The following AHRR variants were observed in gnomAD, a reference collection of about 807,000 sequenced individuals.
The protein encoded by AHRR is ahR repressor.
A neutral mutation model predicts 44.0 loss-of-function variants in AHRR; 28 were observed. The ratio of observed to expected loss-of-function variants is 0.64; its 90% CI spans 0.47 to 0.87. AHRR has a LOEUF of 0.87. AHRR is among the 40% of genes least tolerant of loss of function. The pLI is 0.00. For missense variants in AHRR, 990 were observed against 953.9 expected, an observed-to-expected ratio of 1.04 and a Z score of -0.50; for synonymous variants, 434 against 407.0, an observed-to-expected ratio of 1.07 and a Z score of -0.80.
chr5:347,219 A>C (rs1045602856), intron 2 of AHRR, among the ~76,000 whole-genome samples: 1 of 152,124 alleles, frequency 6.6e-6, no homozygotes, highest in Non-Finnish European at 1.5e-5. Flanking sequence ...TCATTTTTCT[A>C]GTAGATTGTT....
At chr5:332,307 G>C (rs1257500443) in intron 1 of AHRR, among the ~76,000 whole-genome samples, 1 of 131,258 alleles carries the variant, frequency 7.6e-6, no homozygotes, top group African/African-American at 2.9e-5. Flanking sequence ...TCACTCTGTT[G>C]CCCAGGCTGG....
chr5:336,527 C>T (rs894236017), intron 1 of AHRR, among the ~76,000 whole-genome samples: 1 of 152,166 alleles, frequency 6.6e-6, no homozygotes, highest in Non-Finnish European at 1.5e-5. Flanking sequence ...AGTTCTTTGT[C>T]TATGCTGGAC....
intron 3 of AHRR, among the ~76,000 whole-genome samples, chr5:373,336 G>T (rs1031426592): frequency 2.0e-5 from 3 of 152,250 alleles, no homozygotes; most frequent in Non-Finnish European, 4.4e-5. Context: ...AGTGGTCCTG[G>T]CAGGGCCCCT....
At position 434,257 on chromosome 5, in the gene AHRR, C is replaced by A; in HGVS notation, c.1517C>A (p.Pro506His). The change falls in exon 11 of 11, where the codon CCC becomes CAC. Residue 506 changes from proline (P) to histidine (H), a missense_variant. Pro to His is a moderately conservative substitution (Grantham distance 77). Coordinates refer to ENST00000684583, the MANE Select transcript of AHRR (RefSeq NM_001377236.1). ...GAQRFATRGY[P>H]MEDMKLQGVP... Reference sequence around the variant, plus strand: ...CAGCGTTTTGCCACGAGGGGCTATCCCATGGAGGACATGAAGCTGCAAGGT... The same window carrying A: ...CAGCGTTTTGCCACGAGGGGCTATCACATGGAGGACATGAAGCTGCAAGGT... 6.2e-7 allele frequency: 1 copy of A among 1,601,314 alleles called. No individual in the cohort carries two copies. The highest frequency in any genetic ancestry group is 1.1e-5 in the South Asian group (1 of 88,576).
At chr5:362,304 C>G (rs1019871548) in intron 3 of AHRR, among the ~76,000 whole-genome samples, 1 of 152,218 alleles carries the variant, frequency 6.6e-6, no homozygotes, top group African/African-American at 2.4e-5. Context: ...TCCAGAACTG[C>G]AAGAAAATAA....
intron 4 of AHRR, among the ~76,000 whole-genome samples, chr5:393,657 A>C (rs1734572927): frequency 6.6e-6 from 1 of 150,766 alleles, no homozygotes; most frequent in Non-Finnish European, 1.5e-5. Flanking sequence ...TTTTTTTTTG[A>C]GACAGAGTCT....
In AHRR at chr5:423,923, C is replaced by T. The variant is rs917320431; in HGVS notation, c.654C>T (p.Thr218=). 1.9e-6 allele frequency: 3 copies of T among 1,603,062 alleles called. No homozygotes were observed. Among genetic ancestry groups the T allele is most frequent in the African/African-American group, 2.7e-5 (2 of 74,932 alleles). Residue 218 remains threonine, a synonymous_variant, in exon 7 of 11, where the codon ACC becomes ACT. Coordinates refer to ENST00000684583, the MANE Select transcript of AHRR (RefSeq NM_001377236.1). ...CCACCGAGTACTCGGCCTTCCTGAC[C>T]CGCTGCTTCATCTGCCGTGTGCGCT... The part of the protein sequence containing the change: ...GTPTEYSAFL[T]RCFICRVRCL...
chr5:410,626 C>G (rs1735433858), intron 4 of AHRR, among the ~76,000 whole-genome samples: 1 of 152,218 alleles, frequency 6.6e-6, no homozygotes, highest in Non-Finnish European at 1.5e-5. Flanking sequence ...ACAATCCTAA[C>G]TACATTGAGC....
intron 3 of AHRR, among the ~76,000 whole-genome samples, chr5:376,045 G>C (rs557570920): frequency 3.0e-4 from 45 of 151,332 alleles, no homozygotes; most frequent in African/African-American, 1.1e-3. Flanking sequence ...GGGGCGTGGG[G>C]CCTGGCCTGC....
At chr5:376,559 T>TGGGGTGAACGCGG (rs1733704016) in intron 3 of AHRR, 51 bp from the exon 4 acceptor site, 50 of 242,968 alleles carry the variant, frequency 2.1e-4, no homozygotes, top group Admixed American at 4.5e-4. Flanking sequence ...TGAAGAAGAG[T>TGGGGTGAACGCGG]GGCCAGGCCA....
intron 4 of AHRR, chr5:403,661 A>C (rs1579674663): frequency 3.5e-5 from 20 of 569,990 alleles, no homozygotes; most frequent in East Asian, 6.3e-5. Context: ...AAAAGTAACC[A>C]CTTTAAATAG....
chr5:397,554 C>T (rs1463515447), intron 4 of AHRR, among the ~76,000 whole-genome samples: 1 of 66,620 alleles, frequency 1.5e-5, no homozygotes, highest in Non-Finnish European at 3.4e-5. Flanking sequence ...CCATGTTAGC[C>T]CCTGACCATG....
intron 3 of AHRR, among the ~76,000 whole-genome samples, chr5:364,520 T>A (rs1449869921): frequency 2.6e-5 from 4 of 151,412 alleles, no homozygotes; most frequent in African/African-American, 9.7e-5. Context: ...TTCAGGATAA[T>A]CATCAACCGT....
chr5:428,162 G>A (rs1354711357), intron 8 of AHRR, among the ~76,000 whole-genome samples, 156 bp downstream of exon 8: 1 of 152,248 alleles, frequency 6.6e-6, no homozygotes, highest in Non-Finnish European at 1.5e-5. Context: ...ATAGGCAGCA[G>A]CGATTAGATG....
At chr5:360,028 C>T (rs892036735) in intron 3 of AHRR, among the ~76,000 whole-genome samples, 1 of 152,168 alleles carries the variant, frequency 6.6e-6, no homozygotes, top group Admixed American at 6.5e-5. Context: ...TTGTCTCATC[C>T]CTTCACCTAT....
At chr5:360,396 AGGCAGAGAAGTGGGGTGCCC>A (rs1220978978) in intron 3 of AHRR, among the ~76,000 whole-genome samples, 11 of 152,264 alleles carry the variant, frequency 7.2e-5, no homozygotes, top group African/African-American at 2.7e-4. Context: ...TAAGCAGCCC[AGGCAGAGAAGTGGGGTGCCC>A]TGCACTACAT....
At chr5:368,729 G>A (rs1205066844) in intron 3 of AHRR, among the ~76,000 whole-genome samples, 2 of 152,332 alleles carry the variant, frequency 1.3e-5, no homozygotes, top group African/African-American at 4.8e-5. Flanking sequence ...TGAGGCCCCC[G>A]GGTTCTGTGA....
intron 1 of AHRR, among the ~76,000 whole-genome samples, chr5:335,391 G>A (rs1742084081): frequency 6.6e-6 from 1 of 151,946 alleles, no homozygotes; most frequent in African/African-American, 2.4e-5. Context: ...TTGCAGGTAG[G>A]TGCCAGCTGA....
intron 1 of AHRR, among the ~76,000 whole-genome samples, chr5:324,583 C>T (rs1194007707): frequency 6.6e-5 from 10 of 151,274 alleles, no homozygotes; most frequent in East Asian, 2.0e-4. Context: ...GTCGGGAGTT[C>T]GAGACCAGCC....
Sources: allele counts gnomAD v4.1 joint callset (sites outside exome capture counted in the v4.1 genomes callset), GRCh38; gene constraint gnomAD v4.1.1; transcripts MANE v1.5; gene names NCBI Gene and HGNC (gene_info 2026-07-23, HGNC 2026-07-21).